Variants in RNGTT observed in about 807,000 individuals in gnomAD.
RNGTT encodes the protein mRNA-capping enzyme.
RNGTT carries 33 observed loss-of-function variants against 79.3 expected under a neutral mutation model. The ratio of observed to expected loss-of-function variants is 0.42; its 90% CI spans 0.32 to 0.56. RNGTT has a LOEUF of 0.56. Ranked by LOEUF, RNGTT falls within the 20% of genes least tolerant of loss-of-function variation. The pLI, the probability that RNGTT is intolerant of heterozygous loss-of-function variation, is 0.17. For missense variants in RNGTT, 497 were observed against 739.1 expected (o/e 0.67, Z 3.80); for synonymous variants, 222 against 235.9 (o/e 0.94, Z 0.54).
chr6:88,649,162 A>C (rs1773697718), intron 14 of RNGTT, among the ~76,000 whole-genome samples: 1 of 152,202 alleles, frequency 6.6e-6, no homozygotes. Context: ...CTGTATATTT[A>C]ATGTTTGTAT....
rs146301546 is a variant in RNGTT, at chr6:88,627,076, T to C, written c.1507-12681A>G. Among the ~76,000 whole-genome samples, 1,409 of 152,216 alleles carry C rather than the reference T, an allele frequency of 9.3e-3. 62 individuals carry two copies. Among genetic ancestry groups the C allele is most frequent in the Admixed American group, 0.075 (1,152 of 15,266 alleles). ...AGGAGGCTAAAAAATGCAATATGCATGTCTAACACTTTTTTCTTTATAGTT... is the reference window on the plus strand; with the variant it reads ...AGGAGGCTAAAAAATGCAATATGCACGTCTAACACTTTTTTCTTTATAGTT... On this transcript the variant is annotated intron_variant, in intron 14 of 15. Transcript: ENST00000369485.
At chr6:88,768,251 A>G (rs1288971460) in intron 13 of RNGTT, among the ~76,000 whole-genome samples, 1 of 151,786 alleles carries the variant, frequency 6.6e-6, no homozygotes, top group Non-Finnish European at 1.5e-5. Context: ...CTGGAACCAC[A>G]GGCATGCACC....
At chr6:88,720,457 C>T (rs988995632) in intron 13 of RNGTT, among the ~76,000 whole-genome samples, 2 of 151,992 alleles carry the variant, frequency 1.3e-5, no homozygotes, top group Non-Finnish European at 2.9e-5. Flanking sequence ...AGTTATACCA[C>T]CTCTCTGGGA....
At chr6:88,843,777 T>C (rs544423966) in intron 11 of RNGTT, among the ~76,000 whole-genome samples, 5 of 151,454 alleles carry the variant, frequency 3.3e-5, no homozygotes, top group South Asian at 4.2e-4. Context: ...AGGCTGGTCT[T>C]GAGTTCCTGA....
chr6:88,632,713 CA>C lies in RNGTT; in HGVS notation c.1507-18319del, dbSNP rs148195760. ...GGATTTCGAAACCAACCATCAAAGTCAGGGGGGAAAAAAATCTCACAGAATA... is the reference window on the plus strand; with the variant it reads ...GGATTTCGAAACCAACCATCAAAGTCGGGGGGAAAAAAATCTCACAGAATA... On this transcript the variant is annotated intron_variant, in intron 14 of 15. Transcript: ENST00000369485. Among the ~76,000 whole-genome samples, 1,292 of 148,816 alleles carry C rather than the reference CA, an allele frequency of 8.7e-3. 19 individuals carry two copies. The highest frequency in any genetic ancestry group is 0.03 in the African/African-American group (1,192 of 40,404).
At chr6:88,653,770 A>C (rs1238140465) in intron 14 of RNGTT, among the ~76,000 whole-genome samples, 1 of 152,238 alleles carries the variant, frequency 6.6e-6, no homozygotes, top group Non-Finnish European at 1.5e-5. Context: ...GTCATTCTTC[A>C]ATTATAATGT....
At chr6:88,778,182 A>C (rs1412680451) in intron 12 of RNGTT, among the ~76,000 whole-genome samples, 1 of 152,226 alleles carries the variant, frequency 6.6e-6, no homozygotes, top group Non-Finnish European at 1.5e-5. Context: ...AAAGTAAAAA[A>C]AGAAAAGGTA....
chr6:88,748,410 A>G (rs371580900), intron 13 of RNGTT, among the ~76,000 whole-genome samples: 2 of 151,852 alleles, frequency 1.3e-5, no homozygotes, highest in East Asian at 3.9e-4. Flanking sequence ...CTTCTCCCTC[A>G]TATCTACTAT....
chr6:88,892,004 T>C, intron 6 of RNGTT, 89 bp from the exon 7 acceptor site: 1 of 904,024 alleles, frequency 1.1e-6, no homozygotes, highest in South Asian at 2.0e-5. Flanking sequence ...GAGAGATAAA[T>C]TAGTTTGTTC....
At chr6:88,802,997 A>G (rs1275673512) in intron 11 of RNGTT, among the ~76,000 whole-genome samples, 1 of 152,218 alleles carries the variant, frequency 6.6e-6, no homozygotes, top group African/African-American at 2.4e-5. Context: ...CTATGCTTAA[A>G]GAGTTTACAA....
intron 13 of RNGTT, among the ~76,000 whole-genome samples, chr6:88,743,669 G>A (rs566849669): frequency 2.0e-5 from 3 of 152,086 alleles, no homozygotes; most frequent in Non-Finnish European, 4.4e-5. Context: ...TTTTAAGGTT[G>A]AATAATATTC....
intron 14 of RNGTT, among the ~76,000 whole-genome samples, chr6:88,673,379 G>A (rs1774731261): frequency 6.6e-6 from 1 of 152,168 alleles, no homozygotes; most frequent in South Asian, 2.1e-4. Context: ...ATATTCACAA[G>A]TCAGGTACAA....
chr6:88,640,383 C>CTA (rs1298339238), intron 14 of RNGTT, among the ~76,000 whole-genome samples: 6 of 111,626 alleles, frequency 5.4e-5, no homozygotes, highest in African/African-American at 2.1e-4. Flanking sequence ...GACCCTGTCT[C>CTA]TACAAAAAAA....
At chr6:88,711,027 A>C (rs1474830136) in intron 13 of RNGTT, among the ~76,000 whole-genome samples, 1 of 152,204 alleles carries the variant, frequency 6.6e-6, no homozygotes, top group Non-Finnish European at 1.5e-5. Context: ...TCAAATGAAC[A>C]GAAAATCTAG....
chr6:88,668,319 C>T (rs1035103075), intron 14 of RNGTT, among the ~76,000 whole-genome samples: 6 of 152,094 alleles, frequency 3.9e-5, no homozygotes, highest in African/African-American at 9.7e-5. Flanking sequence ...AGACCAAGCC[C>T]GGACAATCCC....
At chr6:88,858,681 C>T (rs563814948) in intron 8 of RNGTT, among the ~76,000 whole-genome samples, 6 of 152,298 alleles carry the variant, frequency 3.9e-5, no homozygotes, top group East Asian at 3.9e-4. Context: ...AATGTCATAA[C>T]GCTGACACAA....
At chr6:88,660,150 G>A (rs975620797) in intron 14 of RNGTT, among the ~76,000 whole-genome samples, 1 of 152,070 alleles carries the variant, frequency 6.6e-6, no homozygotes, top group African/African-American at 2.4e-5. Flanking sequence ...TGCTAAAAAA[G>A]TTCTAAATCT....
At chr6:88,620,893 T>C (rs1209434254) in intron 14 of RNGTT, among the ~76,000 whole-genome samples, 1 of 152,212 alleles carries the variant, frequency 6.6e-6, no homozygotes, top group Non-Finnish European at 1.5e-5. Context: ...GTTATTTTGA[T>C]TAAAACCACA....
intron 14 of RNGTT, among the ~76,000 whole-genome samples, chr6:88,649,091 T>C (rs957759732): frequency 6.6e-6 from 1 of 152,240 alleles, no homozygotes; most frequent in Non-Finnish European, 1.5e-5. Flanking sequence ...CTTTGTTATA[T>C]GTCATTTCTC....
Sources: gnomAD v4.1 joint callset for allele counts (sites outside exome capture counted in the v4.1 genomes callset) on GRCh38, gnomAD v4.1.1 for gene constraint, MANE v1.5 for transcripts, NCBI Gene and HGNC (gene_info 2026-07-23, HGNC 2026-07-21) for gene names.